The following VPS33B variants were observed in gnomAD, a reference collection of about 807,000 sequenced individuals.
VPS33B encodes VPS33B late endosome and lysosome associated.
A neutral mutation model predicts 95.3 loss-of-function variants in VPS33B; 80 were observed. The observed-to-expected ratio is 0.84, with a 90% CI of 0.70 to 1.01. The LOEUF (loss-of-function observed/expected upper bound fraction) is 1.01. Among genes scored for constraint, VPS33B ranks in the 50% least tolerant of loss-of-function variants. The pLI, the probability that VPS33B is intolerant of heterozygous loss-of-function variation, is 0.00. For missense variants in VPS33B, 715 were observed against 773.4 expected, an observed-to-expected ratio of 0.92 and a Z score of 0.90; for synonymous variants, 280 against 280.4, an observed-to-expected ratio of 1.00 and a Z score of 0.01.
At chr15:91,020,519 C>T (rs898967427) in intron 1 of VPS33B, among the ~76,000 whole-genome samples, 1 of 134,216 alleles carries the variant, frequency 7.5e-6, no homozygotes, top group Non-Finnish European at 1.5e-5. Flanking sequence ...TAACTAGCAC[C>T]TCTTTTAAAT....
rs193292985 is a variant in VPS33B, at chr15:91,001,042, G to A, written c.1479+347C>T. 555 of 361,570 alleles carry A rather than the reference G, an allele frequency of 1.5e-3. 4 individuals are homozygous for A. Among genetic ancestry groups the A allele is most frequent in the African/African-American group, 0.011 (511 of 47,500 alleles). 22.4% of individuals were successfully genotyped at this position (361,570 alleles called of 1,614,324 possible). On this transcript the variant is annotated intron_variant, in intron 19 of 22. Coordinates refer to ENST00000333371, the MANE Select transcript of VPS33B (RefSeq NM_018668.5). ...CAAAGTACTCCACAATGGGCTGGGC[G>A]CAGTGGCTCATGCCTGTAATCCCAG...
chr15:91,004,856 T>C, intron 16 of VPS33B, 21 bp downstream of exon 16: 3 of 1,614,140 alleles, frequency 1.9e-6, no homozygotes, highest in Non-Finnish European at 2.5e-6. Flanking sequence ...GACATTCTCA[T>C]CTTCAGTCTT....
rs1027985278 is a variant in VPS33B at position 91,010,209 on chromosome 15, T to C, written c.358-363A>G. ...GAGGAGCAGATGGGAGGAAAAGATC[T>C]GTACAAGGGAGAGTGAGTTCTGTTT... On this transcript the variant is annotated intron_variant, in intron 5 of 22. Coordinates refer to ENST00000333371, the MANE Select transcript of VPS33B (RefSeq NM_018668.5). The surrounding 1 kb of genome is among the most constrained non-coding windows in gnomAD (Gnocchi z 5.7). Among the ~76,000 whole-genome samples the C allele has an allele frequency of 3.9e-5, 6 of 152,198 alleles. 1 individual carries two copies. The highest frequency in any genetic ancestry group is 5.9e-5 in the Non-Finnish European group (4 of 68,040).
At chr15:91,016,325 A>C (rs1352942679) in intron 3 of VPS33B, among the ~76,000 whole-genome samples, 1 of 151,810 alleles carries the variant, frequency 6.6e-6, no homozygotes. Context: ...AGTCTATGAC[A>C]AATAATGTGG....
chr15:91,001,316 A>T, intron 19 of VPS33B, 73 bp downstream of exon 19: 1 of 1,250,360 alleles, frequency 8.0e-7, no homozygotes, highest in Non-Finnish European at 1.1e-6. Flanking sequence ...TCTCAAAAAA[A>T]AAAAAAAAAA....
intron 1 of VPS33B, among the ~76,000 whole-genome samples, chr15:91,021,342 A>G (rs569076734): frequency 2.0e-5 from 3 of 152,312 alleles, no homozygotes; most frequent in African/African-American, 7.2e-5. Flanking sequence ...AATCTCACTC[A>G]TTTTTGCTTC....
rs2040590460 is a variant in VPS33B at position 91,005,959 on chromosome 15, G to C, written c.939+14C>G. ...TGAGGCAACAAAACAGAGGAGCAGGGCTTGGAGCCTCACATCATACTGGGC... is the reference window on the plus strand; with the variant it reads ...TGAGGCAACAAAACAGAGGAGCAGGCCTTGGAGCCTCACATCATACTGGGC... On this transcript the variant is annotated intron_variant, in intron 12 of 22. Coordinates refer to ENST00000333371, the MANE Select transcript of VPS33B (RefSeq NM_018668.5). The surrounding 1 kb of genome is among the most constrained non-coding windows in gnomAD (Gnocchi z 6.4). 1 of 1,613,876 alleles carries C rather than the reference G, an allele frequency of 6.2e-7. No individual in the cohort carries two copies. Among genetic ancestry groups the C allele is most frequent in the Non-Finnish European group, 8.5e-7 (1 of 1,179,896 alleles).
chr15:91,001,573 G>A, intron 18 of VPS33B, 111 bp from the exon 19 acceptor site: 2 of 900,228 alleles, frequency 2.2e-6, no homozygotes, highest in Non-Finnish European at 3.7e-6. Flanking sequence ...AAAACTCTCG[G>A]AAGCTGTTCA....
At chr15:91,021,020 T>C (rs528478072) in intron 1 of VPS33B, among the ~76,000 whole-genome samples, 13 of 152,366 alleles carry the variant, frequency 8.5e-5, no homozygotes, top group African/African-American at 3.1e-4. Flanking sequence ...CAAGCTATAT[T>C]TCTTACGGGC....
rs150252392 is a variant in VPS33B, at chr15:91,006,038, C to T, written c.874G>A (p.Glu292Lys). Residue 292 changes from glutamate to lysine, a missense_variant, in exon 12 of 23, where the codon GAG becomes AAG. Physicochemically the swap from Glu to Lys is moderately conservative, Grantham distance 56 (BLOSUM62 1). Transcript: ENST00000333371. This position sits in a 1 kb window ranked among gnomAD's most constrained non-coding sequence, Gnocchi z 5.4. ...EDKVFNEIRN[E>K]HFSNVFGFLS... is the part of the protein sequence containing the mutation. ...AAGCCAAAGACATTGGAGAAGTGCTCGTTCCGAATCTCATTAAACACCTGT... is the reference window on the plus strand; with the variant it reads ...AAGCCAAAGACATTGGAGAAGTGCTTGTTCCGAATCTCATTAAACACCTGT... 43 of 1,614,066 alleles carry T rather than the reference C, an allele frequency of 2.7e-5. No individual in the cohort carries two copies. Among genetic ancestry groups the T allele is most frequent in the Non-Finnish European group, 3.3e-5 (39 of 1,180,048 alleles).
rs1342174939 is a variant in VPS33B, at chr15:91,019,428, A to T, written c.97-1543T>A. 4.0e-5 allele frequency among the ~76,000 whole-genome samples: 6 copies of T among 151,776 alleles called. No individual in the cohort carries two copies. In the East Asian group the frequency reaches 1.2e-3, roughly 29 times the overall value. On this transcript the variant is annotated intron_variant, in intron 1 of 22. Transcript: ENST00000333371. ...GAGCCACCACGTTTGGCCTTTTTAAATGTTTATTTATTTTTTAGTTTCCCA... is the reference window on the plus strand; with the variant it reads ...GAGCCACCACGTTTGGCCTTTTTAATTGTTTATTTATTTTTTAGTTTCCCA...
In VPS33B at chr15:91,007,266, G is replaced by C. The variant is rs1339227314; in HGVS notation, c.603+203C>G. On this transcript the variant is annotated intron_variant, in intron 8 of 22. Transcript: ENST00000333371. This position sits in a 1 kb window ranked among gnomAD's most constrained non-coding sequence, Gnocchi z 5.3. ...TTACTCTGTCCCCAAAATAAAAAGA[G>C]ATTTAGGAATGCTACCCAGGAGATC... Among the ~76,000 whole-genome samples, 1 of 152,242 alleles carries C rather than the reference G, an allele frequency of 6.6e-6. No homozygotes were observed. The highest frequency in any genetic ancestry group is 1.5e-5 in the Non-Finnish European group (1 of 68,050).
chr15:91,009,258 CCT>C lies in VPS33B; in HGVS notation c.403+541_403+542del, dbSNP rs1040836954. 1.3e-5 allele frequency among the ~76,000 whole-genome samples: 2 copies of C among 150,802 alleles called. No homozygotes were observed. The highest frequency in any genetic ancestry group is 4.9e-5 in the African/African-American group (2 of 40,624). On this transcript the variant is annotated intron_variant, in intron 6 of 22. Transcript: ENST00000333371. The surrounding 1 kb of genome is among the most constrained non-coding windows in gnomAD (Gnocchi z 4.1). The stretch of plus-strand genomic sequence containing the variant: ...TCTTATCCTTTCTTTTCCCTCCCTC[CCT>C]CTCTCTCTTTCTCTCTTTTCTTTTA...
At position 91,007,208 on chromosome 15, in the gene VPS33B, C is replaced by T. The variant is rs1008930340; in HGVS notation, c.604-162G>A. ...TCTACTCCCGTCTGTGTCTATCTTT[C>T]CCCAACACTCTTCCTACTGATGAGA... is the stretch of plus-strand genomic sequence containing the variant. On this transcript the variant is annotated intron_variant, in intron 8 of 22. Transcript: ENST00000333371. This position sits in a 1 kb window ranked among gnomAD's most constrained non-coding sequence, Gnocchi z 5.3. Among the ~76,000 whole-genome samples the T allele has an allele frequency of 6.6e-6, 1 of 152,106 alleles. No individual in the cohort carries two copies. The highest frequency in any genetic ancestry group is 1.5e-5 in the Non-Finnish European group (1 of 68,018).
At chr15:90,998,653 T>C, downstream of VPS33B, 2 of 403,674 alleles carry the variant, frequency 5.0e-6, no homozygotes, top group Admixed American at 3.6e-5. This position sits in a 1 kb window ranked among gnomAD's most constrained non-coding sequence, Gnocchi z 4.8. Context: ...TGGAAGTGCG[T>C]GTCCAGAACG....
Position 91,010,173 on chromosome 15 carries a change from T to G in VPS33B, c.358-327A>C, listed in dbSNP as rs2040742425. Among the ~76,000 whole-genome samples the G allele has an allele frequency of 6.6e-6, 1 of 152,182 alleles. No homozygotes were observed. The highest frequency in any genetic ancestry group is 1.5e-5 in the Non-Finnish European group (1 of 68,028). On this transcript the variant is annotated intron_variant, in intron 5 of 22. Transcript: ENST00000333371. The surrounding 1 kb of genome is among the most constrained non-coding windows in gnomAD (Gnocchi z 5.7). ...ATGAGAGCAATGGCATGAAGTGCTC[T>G]GGAAATTGTGGAGGAGCAGATGGGA... is the stretch of plus-strand genomic sequence containing the variant.
rs199831273 is a variant in VPS33B, at chr15:90,999,318, G to GT, written c.1775-265dup. On this transcript the variant is annotated intron_variant, in intron 22 of 22. Transcript: ENST00000333371. This position sits in a 1 kb window ranked among gnomAD's most constrained non-coding sequence, Gnocchi z 5.1. ...TATTCCTGTGCAGGACACTTTGCGT[G>GT]TTTTTTTTTTTTCTCTTGAGATGGA... is the stretch of plus-strand genomic sequence containing the variant. 0.23 allele frequency: 98,180 copies of GT among 429,292 alleles called. 1,889 individuals carry two copies. Among genetic ancestry groups the GT allele is most frequent in the East Asian group, 0.44 (10,741 of 24,300 alleles). The allele number at this position is 429,292 out of a possible 1,614,324, so 26.6% of individuals were successfully genotyped here. A position where few individuals can be genotyped will look rare whatever the true frequency, so the allele number is the denominator to read the frequency against.
Position 91,015,736 on chromosome 15 carries a change from T to A in VPS33B, c.239+1227A>T, listed in dbSNP as rs1426713043. ...ATCCCAGTTACTCAGGAGACTGAGGTAGGAGGATCCCTTGAGCCAGGAGCT... is the reference window on the plus strand; with the variant it reads ...ATCCCAGTTACTCAGGAGACTGAGGAAGGAGGATCCCTTGAGCCAGGAGCT... On this transcript the variant is annotated intron_variant, in intron 3 of 22. Coordinates refer to ENST00000333371, the MANE Select transcript of VPS33B (RefSeq NM_018668.5). This position sits in a 1 kb window ranked among gnomAD's most constrained non-coding sequence, Gnocchi z 4.7. 6.7e-6 allele frequency among the ~76,000 whole-genome samples: 1 copy of A among 148,592 alleles called. No homozygotes were observed. The highest frequency in any genetic ancestry group is 2.6e-5 in the African/African-American group (1 of 38,996).
At position 91,005,371 on chromosome 15, in the gene VPS33B, G is replaced by A. The variant is rs3826033; in HGVS notation, c.1105+9C>T. ...GTGGGCAGTAGCACAGCAAGGCTGCGGCAGTTACCATGCTCAGTCTTGATT... is the reference window on the plus strand; with the variant it reads ...GTGGGCAGTAGCACAGCAAGGCTGCAGCAGTTACCATGCTCAGTCTTGATT... On this transcript the variant is annotated intron_variant, in intron 14 of 22. Transcript: ENST00000333371. The surrounding 1 kb of genome is among the most constrained non-coding windows in gnomAD (Gnocchi z 6.4). 234,207 of 1,613,972 alleles carry A rather than the reference G, an allele frequency of 0.15. 21,706 individuals are homozygous for A. Among genetic ancestry groups the A allele is most frequent in the East Asian group, 0.49 (21,930 of 44,850 alleles).
Sources: allele counts gnomAD v4.1 joint callset (sites outside exome capture counted in the v4.1 genomes callset), GRCh38; gene constraint gnomAD v4.1.1; non-coding constraint Gnocchi (gnomAD v3.1); transcripts MANE v1.5; gene names NCBI Gene and HGNC (gene_info 2026-07-23, HGNC 2026-07-21).